The following XYLT1 variants were observed in gnomAD, a reference collection of about 807,000 sequenced individuals.
XYLT1 encodes the protein xylosyltransferase 1, also known as beta-D-xylosyltransferase 1.
Under a neutral mutation model 91.3 loss-of-function variants are expected in XYLT1, and 36 were observed. The observed-to-expected ratio is 0.39, with a 90% CI of 0.30 to 0.52. The LOEUF is 0.52. Among genes scored for constraint, XYLT1 ranks in the 20% least tolerant of loss-of-function variants. The probability of loss-of-function intolerance (pLI) is 0.68; values close to 1 mark genes in which losing one functional copy is unlikely to be tolerated. For missense variants in XYLT1, 1,242 were observed against 1,284.5 expected (o/e 0.97, Z 0.51); for synonymous variants, 588 against 532.0 (o/e 1.11, Z -1.45).
intron 2 of XYLT1, among the ~76,000 whole-genome samples, chr16:17,263,131 C>T (rs1446528276): frequency 6.6e-6 from 1 of 152,082 alleles, no homozygotes; most frequent in East Asian, 1.9e-4. Context: ...TTCTGGGGCC[C>T]TTCTCTTTCC....
intron 7 of XYLT1, among the ~76,000 whole-genome samples, chr16:17,140,591 G>T (rs571360872): frequency 7.0e-6 from 1 of 143,442 alleles, no homozygotes; most frequent in African/African-American, 2.6e-5. Flanking sequence ...AACTCTGGAG[G>T]TAGAGGTTGC....
chr16:17,260,585 C>A (rs2033707931), intron 2 of XYLT1, among the ~76,000 whole-genome samples: 1 of 152,156 alleles, frequency 6.6e-6, no homozygotes, highest in South Asian at 2.1e-4. Context: ...GGGGCCTGAA[C>A]AGCGGATCTG....
intron 11 of XYLT1, among the ~76,000 whole-genome samples, chr16:17,113,992 G>A (rs960358134): frequency 6.6e-6 from 1 of 151,906 alleles, no homozygotes; most frequent in African/African-American, 2.4e-5. Flanking sequence ...CCACCTGCTA[G>A]GAGGGTGGGC....
intron 3 of XYLT1, among the ~76,000 whole-genome samples, chr16:17,254,161 C>A (rs77259955): frequency 0.028 from 4,325 of 152,250 alleles, 190 homozygotes; most frequent in African/African-American, 0.097. Flanking sequence ...TTGAACAGCA[C>A]AGGTTTGAAC....
intron 1 of XYLT1, among the ~76,000 whole-genome samples, chr16:17,443,694 C>T (rs568713343): frequency 1.3e-5 from 2 of 152,266 alleles, no homozygotes; most frequent in African/African-American, 2.4e-5. Context: ...GCATTAGAAA[C>T]GTAGTGATAC....
intron 2 of XYLT1, among the ~76,000 whole-genome samples, chr16:17,269,293 T>C (rs757270082): frequency 3.1e-4 from 47 of 152,134 alleles, no homozygotes; most frequent in Non-Finnish European, 5.9e-4. Flanking sequence ...CAAGCGATCC[T>C]CCTGCCTCAG....
intron 3 of XYLT1, among the ~76,000 whole-genome samples, chr16:17,206,881 T>C (rs1597191621): frequency 6.6e-6 from 1 of 152,100 alleles, no homozygotes. Context: ...ACCACTTGGG[T>C]GTGCCAGACT....
At chr16:17,131,549 C>T (rs920086849) in intron 9 of XYLT1, among the ~76,000 whole-genome samples, 10 of 152,140 alleles carry the variant, frequency 6.6e-5, no homozygotes, top group Non-Finnish European at 1.3e-4. Context: ...TCTAGTGCTT[C>T]GTGCCTGCCC....
chr16:17,352,581 C>T (rs1482661153), intron 2 of XYLT1, among the ~76,000 whole-genome samples: 4 of 152,130 alleles, frequency 2.6e-5, no homozygotes, highest in African/African-American at 7.2e-5. Context: ...GGTCTTTTTG[C>T]AAGGTTAACT....
At chr16:17,309,431 G>T (rs1230430384) in intron 2 of XYLT1, among the ~76,000 whole-genome samples, 1 of 152,114 alleles carries the variant, frequency 6.6e-6, no homozygotes, top group Non-Finnish European at 1.5e-5. Flanking sequence ...AGGGGAGAGG[G>T]ATCAACGCTG....
In XYLT1 at chr16:17,197,634, G is replaced by A. The variant is rs141590189; in HGVS notation, c.1289+578C>T. Among the ~76,000 whole-genome samples, 886 of 152,306 alleles carry A rather than the reference G, an allele frequency of 5.8e-3. 3 individuals carry two copies. Among genetic ancestry groups the A allele is most frequent in the Middle Eastern group, 0.024 (7 of 294 alleles). On this transcript the variant is annotated intron_variant, in intron 5 of 11. Transcript: ENST00000261381. ...AGCTGCCAGCGTGGCCAGAATAAAAGCAGGCAGAACGTGGAAGGAATAAGC... is the reference window on the plus strand; with the variant it reads ...AGCTGCCAGCGTGGCCAGAATAAAAACAGGCAGAACGTGGAAGGAATAAGC...
intron 1 of XYLT1, among the ~76,000 whole-genome samples, chr16:17,451,516 T>C (rs2036665557): frequency 6.6e-6 from 1 of 152,224 alleles, no homozygotes; most frequent in African/African-American, 2.4e-5. Context: ...TCCCGTGCAG[T>C]GACTGGCACC....
At chr16:17,120,728 A>G (rs1271237853) in intron 10 of XYLT1, among the ~76,000 whole-genome samples, 1 of 152,134 alleles carries the variant, frequency 6.6e-6, no homozygotes, top group Admixed American at 6.5e-5. Flanking sequence ...CCAAGAGGGC[A>G]GGGACTATAT....
intron 1 of XYLT1, among the ~76,000 whole-genome samples, chr16:17,429,786 G>A (rs755019953): frequency 2.6e-5 from 4 of 152,150 alleles, no homozygotes; most frequent in East Asian, 1.9e-4. Context: ...AGCTCAGACC[G>A]GGATTTACAT....
At chr16:17,155,589 T>C (rs1468778137) in intron 6 of XYLT1, among the ~76,000 whole-genome samples, 1 of 152,200 alleles carries the variant, frequency 6.6e-6, no homozygotes, top group Non-Finnish European at 1.5e-5. Flanking sequence ...GGTAGGCTTA[T>C]TCGTGCAGCA....
At chr16:17,469,515 G>T (rs548078937) in intron 1 of XYLT1, among the ~76,000 whole-genome samples, 4 of 152,354 alleles carry the variant, frequency 2.6e-5, no homozygotes, top group African/African-American at 9.6e-5. Context: ...AGGTGGGAAA[G>T]GTATCCCTGG....
chr16:17,374,844 A>G (rs2035577842), intron 1 of XYLT1, among the ~76,000 whole-genome samples: 1 of 152,190 alleles, frequency 6.6e-6, no homozygotes, highest in Non-Finnish European at 1.5e-5. Flanking sequence ...CCTCCCACAC[A>G]TAACCAAATG....
At chr16:17,338,393 C>G in intron 2 of XYLT1, 1 of 456,546 alleles carries the variant, frequency 2.2e-6, no homozygotes, top group Non-Finnish European at 4.4e-6. Flanking sequence ...CCAAGGCCTG[C>G]TCCTCTCTTT....
chr16:17,171,409 T>TTTG (rs575848248), intron 5 of XYLT1, among the ~76,000 whole-genome samples: 40 of 152,298 alleles, frequency 2.6e-4, no homozygotes, highest in Non-Finnish European at 8.8e-5. Context: ...CAAAATGCAC[T>TTTG]GCAACACAGG....
Sources: gnomAD v4.1 joint callset for allele counts (sites outside exome capture counted in the v4.1 genomes callset) on GRCh38, gnomAD v4.1.1 for gene constraint, MANE v1.5 for transcripts, NCBI Gene and HGNC (gene_info 2026-07-23, HGNC 2026-07-21) for gene names.